SMNDC1: variants seen among roughly 807,000 people sequenced by gnomAD.
The protein encoded by SMNDC1 is survival of motor neuron-related-splicing factor 30.
Under a neutral mutation model 29.2 loss-of-function variants are expected in SMNDC1, and 5 were observed. The observed-to-expected ratio is 0.17, with a 90% CI of 0.09 to 0.36. The LOEUF is 0.36. Ranked by LOEUF, SMNDC1 falls within the 10% of genes least tolerant of loss-of-function variation. The probability of loss-of-function intolerance (pLI) is 1.00; values close to 1 mark genes in which losing one functional copy is unlikely to be tolerated. For synonymous variants in SMNDC1, 80 were observed against 89.9 expected (o/e 0.89, Z 0.62); for missense variants, 142 against 268.5 (o/e 0.53, Z 3.29).
At chr10:110,299,541 G>T (rs970942004) in intron 2 of SMNDC1, among the ~76,000 whole-genome samples, 5 of 152,106 alleles carry the variant, frequency 3.3e-5, no homozygotes, top group African/African-American at 9.7e-5. Flanking sequence ...TTTGGTGTAG[G>T]GATGGCTAAA....
chr10:110,298,604 T>G, intron 3 of SMNDC1, 44 bp downstream of exon 3: 1 of 1,520,788 alleles, frequency 6.6e-7, no homozygotes, highest in Non-Finnish European at 9.0e-7. Flanking sequence ...CCATTGTATT[T>G]TATTATTTCA....
chr10:110,300,661 A>C (rs1241074412), intron 2 of SMNDC1: 1 of 985,402 alleles, frequency 1.0e-6, no homozygotes, highest in Non-Finnish European at 1.2e-6. Context: ...TGTGATCTAC[A>C]TATCAGCAGG....
rs929192093 is a variant in SMNDC1 at position 110,299,555 on chromosome 10, T to C, written c.121-765A>G. Among the ~76,000 whole-genome samples the C allele has an allele frequency of 3.3e-5, 5 of 152,204 alleles. No individual in the cohort carries two copies. In the South Asian group the frequency reaches 6.2e-4, roughly 19 times the overall value. On this transcript the variant is annotated intron_variant, in intron 2 of 5. Transcript: ENST00000369603. The stretch of plus-strand genomic sequence containing the variant: ...GTTTGGTGTAGGGATGGCTAAAAAA[T>C]TGAGAACAGTACAAGCCGACAGATT...
chr10:110,294,039 G>A lies in SMNDC1; in HGVS notation c.*111C>T, dbSNP rs1457297461. On this transcript the variant is annotated 3_prime_UTR_variant, in exon 6 of 6. Coordinates refer to ENST00000369603, the MANE Select transcript of SMNDC1 (RefSeq NM_005871.4). ...CATTCTACTGAAGCCAACCAATGACGACAATGGTATCTTGCTTACTCATCT... is the reference window on the plus strand; with the variant it reads ...CATTCTACTGAAGCCAACCAATGACAACAATGGTATCTTGCTTACTCATCT... 11 of 816,966 alleles carry A rather than the reference G, an allele frequency of 1.3e-5. No homozygotes were observed. Among genetic ancestry groups the A allele is most frequent in the Non-Finnish European group, 1.6e-5 (9 of 554,658 alleles). 50.6% of individuals were successfully genotyped at this position (816,966 alleles called of 1,614,324 possible).
intron 2 of SMNDC1, chr10:110,300,828 A>G (rs1447826202): frequency 2.8e-5 from 14 of 496,550 alleles, no homozygotes; most frequent in Non-Finnish European, 3.6e-5. Context: ...ATCTCTGATT[A>G]TCATAGACTG....
At chr10:110,294,325 T>C (rs1046736602) in intron 5 of SMNDC1, 38 bp from the exon 6 acceptor site, 3 of 1,515,768 alleles carry the variant, frequency 2.0e-6, no homozygotes, top group South Asian at 1.3e-5. Context: ...CTGATTAGTG[T>C]TGGAAAAAAT....
rs908877165 is a variant in SMNDC1, at chr10:110,291,749, G to T, written c.*2401C>A. On this transcript the variant is annotated 3_prime_UTR_variant, in exon 6 of 6. Transcript: ENST00000369603. ...GCTCTAGAGTCCTTGCTGTTTTCCA[G>T]TATGCTCTGTGGCCTCCCTACATGT... The T allele has an allele frequency of 6.6e-6, 1 of 152,210 alleles. No homozygotes were observed. The highest frequency in any genetic ancestry group is 1.5e-5 in the Non-Finnish European group (1 of 68,040). The allele number at this position is 152,210 out of a possible 1,614,324, so 9.4% of individuals were successfully genotyped here. A position where few individuals can be genotyped will look rare whatever the true frequency, so the allele number is the denominator to read the frequency against.
At chr10:110,299,816 C>T (rs1339126634) in intron 2 of SMNDC1, among the ~76,000 whole-genome samples, 1 of 152,130 alleles carries the variant, frequency 6.6e-6, no homozygotes. Context: ...TACCTCTCTC[C>T]TAAAGATTCT....
chr10:110,290,755 G>GTT lies in SMNDC1; in HGVS notation c.*3393_*3394dup, dbSNP rs1352252353. On this transcript the variant is annotated 3_prime_UTR_variant, in exon 6 of 6. Transcript: ENST00000369603. ...TTTAAAAAAATATAAAACCTCATTG[G>GTT]TTTTAATAGATTTTCTTCCTTTATA... 1.3e-5 allele frequency: 2 copies of GTT among 152,106 alleles called. No individual in the cohort carries two copies. Among genetic ancestry groups the GTT allele is most frequent in the Non-Finnish European group, 2.9e-5 (2 of 68,012 alleles). The allele number at this position is 152,106 out of a possible 1,614,324, so 9.4% of individuals were successfully genotyped here.
At chr10:110,297,525 G>A in intron 4 of SMNDC1, 42 bp downstream of exon 4, 1 of 1,580,710 alleles carries the variant, frequency 6.3e-7, no homozygotes, top group African/African-American at 1.3e-5. Flanking sequence ...GTATCCAAAT[G>A]GGGAAGATTG....
At chr10:110,303,656 C>T in intron 1 of SMNDC1, 69 bp from the exon 2 acceptor site, 1 of 1,482,506 alleles carries the variant, frequency 6.7e-7, no homozygotes, top group Non-Finnish European at 9.0e-7. Context: ...AACTAACTCC[C>T]CTGTCTGCCT....
At chr10:110,295,544 C>T (rs1476430269) in intron 4 of SMNDC1, among the ~76,000 whole-genome samples, 163 bp from the exon 5 acceptor site, 1 of 151,628 alleles carries the variant, frequency 6.6e-6, no homozygotes, top group Non-Finnish European at 1.5e-5. Flanking sequence ...CCCAGAATTA[C>T]TAAGAAATGT....
intron 5 of SMNDC1, 141 bp from the exon 6 acceptor site, chr10:110,294,428 A>T: frequency 1.5e-6 from 1 of 687,142 alleles, no homozygotes; most frequent in South Asian, 2.2e-5. Flanking sequence ...GTGTTAAAAA[A>T]TGGGTACAGA....
At chr10:110,301,910 T>A (rs187329331) in intron 2 of SMNDC1, among the ~76,000 whole-genome samples, 2 of 152,308 alleles carry the variant, frequency 1.3e-5, no homozygotes, top group Non-Finnish European at 2.9e-5. Context: ...AATGAGGAAT[T>A]ATTCTAGAAA....
chr10:110,299,439 A>G (rs564744676), intron 2 of SMNDC1, among the ~76,000 whole-genome samples: 6 of 152,238 alleles, frequency 3.9e-5, no homozygotes, highest in East Asian at 3.9e-4. Flanking sequence ...TAAAAGGGGG[A>G]AAAAAAGGTA....
Position 110,294,112 on chromosome 10 carries a change from TA to T in SMNDC1, c.*37del. ...AAATATAAGGATAAAAAGGTAAATG[TA>T]AAGCCCTGCAGAGATGAAATCCAAC... On this transcript the variant is annotated 3_prime_UTR_variant, in exon 6 of 6. Coordinates refer to ENST00000369603, the MANE Select transcript of SMNDC1 (RefSeq NM_005871.4). The T allele has an allele frequency of 1.4e-6, 2 of 1,468,670 alleles. No individual in the cohort carries two copies. The highest frequency in any genetic ancestry group is 2.5e-5 in the Admixed American group (1 of 39,470). The allele number at this position is 1,468,670 out of a possible 1,614,324, so 91.0% of individuals were successfully genotyped here. A position where few individuals can be genotyped will look rare whatever the true frequency, so the allele number is the denominator to read the frequency against.
At position 110,302,428 on chromosome 10, in the gene SMNDC1, C is replaced by T. The variant is rs1172213603; in HGVS notation, c.120+1040G>A. Among the ~76,000 whole-genome samples, 5 of 152,290 alleles carry T rather than the reference C, an allele frequency of 3.3e-5. No homozygotes were observed. The East Asian group carries it at 7.7e-4, about 23-fold the overall frequency. On this transcript the variant is annotated intron_variant, in intron 2 of 5. Transcript: ENST00000369603. ...CTGCAATTTTATTCTAAATGTAGAA[C>T]TTGAAAGTATTCAACTCATCTTAAT... is the stretch of plus-strand genomic sequence containing the variant.
intron 1 of SMNDC1, 123 bp from the exon 2 acceptor site, chr10:110,303,710 T>A: frequency 1.2e-6 from 1 of 827,468 alleles, no homozygotes; most frequent in Non-Finnish European, 1.8e-6. Context: ...CACTGCAGCT[T>A]AATTTACCAC....
chr10:110,304,159 G>A (rs1857702548), intron 1 of SMNDC1: 1 of 152,198 alleles, frequency 6.6e-6, no homozygotes, highest in African/African-American at 2.4e-5. Context: ...AACAGCACAG[G>A]TACTCTCCCA....
Sources: allele counts gnomAD v4.1 joint callset (sites outside exome capture counted in the v4.1 genomes callset), GRCh38; gene constraint gnomAD v4.1.1; transcripts MANE v1.5; gene names NCBI Gene and HGNC (gene_info 2026-07-23, HGNC 2026-07-21).